CHCHD3: variants seen among roughly 807,000 people sequenced by gnomAD.
The protein encoded by CHCHD3 is MICOS complex subunit MIC19.
In CHCHD3, 20 loss-of-function variants were observed where a neutral mutation model predicts 38.2. The ratio of observed to expected loss-of-function variants is 0.52; its 90% CI spans 0.37 to 0.76. The LOEUF (loss-of-function observed/expected upper bound fraction) is 0.76. Among genes scored for constraint, CHCHD3 ranks in the 30% least tolerant of loss-of-function variants. The probability of loss-of-function intolerance (pLI) is 0.00; values close to 1 mark genes in which losing one functional copy is unlikely to be tolerated. For missense variants in CHCHD3, 245 were observed against 279.2 expected (o/e 0.88, Z 0.87); for synonymous variants, 82 against 100.0 (o/e 0.82, Z 1.07).
At position 133,081,390 on chromosome 7, in the gene CHCHD3, G is replaced by A. The variant is rs1361580566; in HGVS notation, c.81+467C>T. Among the ~76,000 whole-genome samples the A allele has an allele frequency of 2.0e-5, 3 of 152,104 alleles. No individual in the cohort carries two copies. The South Asian group carries it at 6.2e-4, about 32-fold the overall frequency. ...GGGTGTGGGGAGTGGGTGGGAGGAG[G>A]GGGTGTTATCAGAGGGAGAGCACTA... On this transcript the variant is annotated intron_variant, in intron 1 of 7. Coordinates refer to ENST00000262570, the MANE Select transcript of CHCHD3 (RefSeq NM_017812.4).
chr7:132,902,453 T>C (rs1809693364), intron 4 of CHCHD3, among the ~76,000 whole-genome samples: 1 of 152,100 alleles, frequency 6.6e-6, no homozygotes, highest in Non-Finnish European at 1.5e-5. Context: ...ATTAAGAAAA[T>C]GTGGCATATA....
chr7:133,071,336 G>T (rs1359434373), intron 1 of CHCHD3, among the ~76,000 whole-genome samples: 1 of 152,200 alleles, frequency 6.6e-6, no homozygotes, highest in Non-Finnish European at 1.5e-5. Flanking sequence ...TGAATAAATG[G>T]CTGAAGCAAG....
At chr7:133,075,404 C>T (rs1814950361) in intron 1 of CHCHD3, among the ~76,000 whole-genome samples, 1 of 152,226 alleles carries the variant, frequency 6.6e-6, no homozygotes, top group Non-Finnish European at 1.5e-5. Context: ...TCCAAAGCAG[C>T]ACCCATGGCC....
chr7:132,956,343 C>A (rs1321028759), intron 4 of CHCHD3, among the ~76,000 whole-genome samples: 2 of 152,078 alleles, frequency 1.3e-5, no homozygotes, highest in African/African-American at 4.8e-5. Context: ...TGATGTATAC[C>A]CAGCATATAG....
At chr7:133,055,724 G>A (rs1418712561) in intron 2 of CHCHD3, among the ~76,000 whole-genome samples, 1 of 151,266 alleles carries the variant, frequency 6.6e-6, no homozygotes, top group African/African-American at 2.4e-5. Flanking sequence ...AAAATGTCAT[G>A]TGAGTTTAGA....
At chr7:132,872,384 A>G (rs1808787250) in intron 5 of CHCHD3, among the ~76,000 whole-genome samples, 1 of 152,160 alleles carries the variant, frequency 6.6e-6, no homozygotes, top group Non-Finnish European at 1.5e-5. Flanking sequence ...GCTACTTAAG[A>G]GCTACTAGTT....
At chr7:133,041,085 G>C (rs1161002607) in intron 2 of CHCHD3, among the ~76,000 whole-genome samples, 1 of 152,168 alleles carries the variant, frequency 6.6e-6, no homozygotes, top group African/African-American at 2.4e-5. Context: ...GAATCAGAAT[G>C]CCTCGATCTA....
At chr7:132,906,687 AG>A (rs1206043704) in intron 4 of CHCHD3, among the ~76,000 whole-genome samples, 1 of 152,134 alleles carries the variant, frequency 6.6e-6, no homozygotes, top group Admixed American at 6.5e-5. Flanking sequence ...GACATGATCA[AG>A]GAAGAGCTGA....
At chr7:132,979,217 A>G (rs1459404309) in intron 3 of CHCHD3, among the ~76,000 whole-genome samples, 1 of 151,900 alleles carries the variant, frequency 6.6e-6, no homozygotes, top group Non-Finnish European at 1.5e-5. Flanking sequence ...GCAGGGGATA[A>G]ATAAAACAGA....
At chr7:133,080,657 T>A (rs1815147342) in intron 1 of CHCHD3, among the ~76,000 whole-genome samples, 1 of 152,320 alleles carries the variant, frequency 6.6e-6, no homozygotes, top group Admixed American at 6.5e-5. Flanking sequence ...GCCTCAGATA[T>A]TTTATTACAA....
rs148361914 is a variant in CHCHD3, at chr7:132,795,539, C to A, written c.660+903G>T. On this transcript the variant is annotated intron_variant, in intron 7 of 7. Transcript: ENST00000262570. ...TTCCAGCTATCCAGATAATACTAAC[C>A]CTCCCGTCGGATATTTGTAGAGTAT... Among the ~76,000 whole-genome samples, 23 of 152,242 alleles carry A rather than the reference C, an allele frequency of 1.5e-4. 1 individual carries two copies. The highest frequency in any genetic ancestry group is 3.4e-3 in the Middle Eastern group (1 of 294).
At chr7:132,883,560 T>G (rs1809126741) in intron 5 of CHCHD3, among the ~76,000 whole-genome samples, 1 of 152,086 alleles carries the variant, frequency 6.6e-6, no homozygotes, top group South Asian at 2.1e-4. Context: ...TGGAAAAAAA[T>G]TTAAGCAAAA....
intron 2 of CHCHD3, among the ~76,000 whole-genome samples, chr7:133,045,173 C>T (rs1813948749): frequency 6.6e-6 from 1 of 152,126 alleles, no homozygotes; most frequent in Admixed American, 6.5e-5. Flanking sequence ...GTGAATGCCT[C>T]CCATTTAATT....
chr7:133,076,341 T>C (rs1370928643), intron 1 of CHCHD3, among the ~76,000 whole-genome samples: 1 of 152,160 alleles, frequency 6.6e-6, no homozygotes, highest in African/African-American at 2.4e-5. Context: ...CTCAACTGTA[T>C]GCAAAACTGT....
intron 1 of CHCHD3, among the ~76,000 whole-genome samples, chr7:133,076,471 C>T (rs965714451): frequency 6.6e-6 from 1 of 152,198 alleles, no homozygotes; most frequent in African/African-American, 2.4e-5. Flanking sequence ...TGCCGATATT[C>T]AGCCCACTGA....
At chr7:132,850,571 CT>C (rs1808196434) in intron 5 of CHCHD3, among the ~76,000 whole-genome samples, 3 of 151,462 alleles carry the variant, frequency 2.0e-5, no homozygotes. Context: ...GTTTCTTCAT[CT>C]GGGGAATTAA....
chr7:132,799,473 T>A (rs1307609153), intron 6 of CHCHD3, among the ~76,000 whole-genome samples: 1 of 152,114 alleles, frequency 6.6e-6, no homozygotes, highest in Non-Finnish European at 1.5e-5. Flanking sequence ...GCAAAAATAA[T>A]GAAAGGCAGA....
intron 1 of CHCHD3, among the ~76,000 whole-genome samples, chr7:133,076,467 T>C (rs1342337622): frequency 3.3e-5 from 5 of 152,214 alleles, no homozygotes; most frequent in Non-Finnish European, 5.9e-5. Flanking sequence ...GGTCTGCCGA[T>C]ATTCAGCCCA....
At chr7:133,066,149 A>T (rs985120162) in intron 2 of CHCHD3, among the ~76,000 whole-genome samples, 5 of 152,186 alleles carry the variant, frequency 3.3e-5, no homozygotes, top group African/African-American at 1.2e-4. Flanking sequence ...TAAAGTTTTC[A>T]TTTGATCGAC....
Sources: gnomAD v4.1 joint callset for allele counts (sites outside exome capture counted in the v4.1 genomes callset) on GRCh38, gnomAD v4.1.1 for gene constraint, MANE v1.5 for transcripts, NCBI Gene and HGNC (gene_info 2026-07-23, HGNC 2026-07-21) for gene names.